RGS17: variants seen among roughly 807,000 people sequenced by gnomAD.
The protein encoded by RGS17 is regulator of G-protein signaling 17.
A neutral mutation model predicts 25.5 loss-of-function variants in RGS17; 12 were observed. That is an observed-to-expected ratio of 0.47 (90% CI 0.30 to 0.76). The LOEUF (loss-of-function observed/expected upper bound fraction) is 0.76. Ranked by LOEUF, RGS17 falls within the 30% of genes least tolerant of loss-of-function variation. The pLI, the probability that RGS17 is intolerant of heterozygous loss-of-function variation, is 0.07. For synonymous variants in RGS17, 71 were observed against 76.9 expected (o/e 0.92, Z 0.40); for missense variants, 196 against 242.2 (o/e 0.81, Z 1.27).
intron 4 of RGS17, among the ~76,000 whole-genome samples, chr6:153,014,345 T>G (rs1779161597): frequency 6.6e-6 from 1 of 152,180 alleles, no homozygotes; most frequent in Admixed American, 6.5e-5. Flanking sequence ...AAAGATTCCT[T>G]TTAAAGTTCT....
At chr6:153,098,019 G>A (rs66756034) in intron 1 of RGS17, among the ~76,000 whole-genome samples, 12,480 of 152,084 alleles carry the variant, frequency 0.082, 790 homozygotes, top group East Asian at 0.33. Flanking sequence ...TGGTAGAAAC[G>A]GGTGAAAAAC....
chr6:153,128,971 T>A (rs1310358851), intron 1 of RGS17, among the ~76,000 whole-genome samples: 8 of 152,204 alleles, frequency 5.3e-5, no homozygotes, highest in African/African-American at 1.9e-4. Flanking sequence ...TCAATCAGCA[T>A]AACAGACACC....
At chr6:153,022,341 T>G (rs1311468803) in intron 4 of RGS17, among the ~76,000 whole-genome samples, 1 of 152,112 alleles carries the variant, frequency 6.6e-6, no homozygotes, top group African/African-American at 2.4e-5. Context: ...TCTACAAAGC[T>G]CCATCAATCA....
intron 1 of RGS17, among the ~76,000 whole-genome samples, chr6:153,072,946 A>G (rs1776827257): frequency 2.0e-5 from 1 of 51,004 alleles, no homozygotes; most frequent in South Asian, 1.2e-3. Flanking sequence ...GTTAAAAAAT[A>G]TATGTCTTAT....
intron 1 of RGS17, among the ~76,000 whole-genome samples, chr6:153,098,946 G>C (rs1480379324): frequency 6.6e-6 from 1 of 152,004 alleles, no homozygotes; most frequent in Non-Finnish European, 1.5e-5. Context: ...GCAGATTTTT[G>C]GGGTCAATGT....
intron 1 of RGS17, among the ~76,000 whole-genome samples, chr6:153,051,309 G>A (rs11155890): frequency 0.18 from 27,764 of 152,140 alleles, 2,942 homozygotes; most frequent in Non-Finnish European, 0.24. Context: ...GACTTTTAAA[G>A]GTGATTTGGT....
chr6:153,059,576 A>C (rs1403485855), intron 1 of RGS17, among the ~76,000 whole-genome samples: 1 of 152,164 alleles, frequency 6.6e-6, no homozygotes. Context: ...CAAAATAGGA[A>C]AATATTTACT....
intron 4 of RGS17, among the ~76,000 whole-genome samples, chr6:153,019,166 G>A (rs1185745273): frequency 6.6e-6 from 1 of 152,172 alleles, no homozygotes; most frequent in African/African-American, 2.4e-5. Context: ...ACACTAGGAC[G>A]TGGAGGTTCC....
intron 1 of RGS17, among the ~76,000 whole-genome samples, chr6:153,102,058 T>C (rs1170414166): frequency 6.6e-6 from 1 of 152,234 alleles, no homozygotes; most frequent in East Asian, 1.9e-4. Flanking sequence ...CTGCCATCAA[T>C]GCAACGATCT....
Position 153,075,496 on chromosome 6 carries a change from GA to G in RGS17, c.-25-31454del, listed in dbSNP as rs566297848. 2.2e-3 allele frequency among the ~76,000 whole-genome samples: 330 copies of G among 152,246 alleles called. 2 individuals carry two copies. Among genetic ancestry groups the G allele is most frequent in the Middle Eastern group, 3.4e-3 (1 of 294 alleles). On this transcript the variant is annotated intron_variant, in intron 1 of 4. Transcript: ENST00000206262. ...TTGCACCTGAGATGTGTCACCTAGA[GA>G]AAAGAGCTCTTGAACTGCCTAGTGG...
At chr6:153,027,631 ATTAATATTATTATCCCCAT>A (rs1471002451) in intron 2 of RGS17, among the ~76,000 whole-genome samples, 1 of 152,192 alleles carries the variant, frequency 6.6e-6, no homozygotes, top group East Asian at 1.9e-4. Context: ...TTCTTTTACC[ATTAATATTATTATCCCCAT>A]TTTACAGATG....
At chr6:153,059,092 C>T (rs1180674628) in intron 1 of RGS17, among the ~76,000 whole-genome samples, 1 of 152,040 alleles carries the variant, frequency 6.6e-6, no homozygotes, top group Non-Finnish European at 1.5e-5. Context: ...ATACAGTCTT[C>T]ACTGAAATGT....
chr6:153,077,960 G>A (rs553238979), intron 1 of RGS17, among the ~76,000 whole-genome samples: 71 of 151,690 alleles, frequency 4.7e-4, no homozygotes, highest in Non-Finnish European at 8.7e-4. Context: ...CGCAACCTCT[G>A]CCTCCCAGGT....
rs1364750487 is a variant in RGS17, at chr6:153,011,717, A to C, written c.490T>G (p.Leu164Val). The change falls in exon 5 of 5, where the codon TTG becomes GTG. Residue 164 changes from leucine to valine, a missense_variant. Coordinates refer to ENST00000206262, the MANE Select transcript of RGS17 (RefSeq NM_012419.5). ...TCATACATGTGAGGATTGGGATCCA[A>C]CAGATTTCTATTGATCACCTCTCTA... ...RVREVINRNL[L>V]DPNPHMYEDA... The C allele has an allele frequency of 1.2e-6, 2 of 1,613,248 alleles. No individual in the cohort carries two copies. Among genetic ancestry groups the C allele is most frequent in the Non-Finnish European group, 1.7e-6 (2 of 1,179,554 alleles).
At chr6:153,066,742 A>AAAACAT (rs1776713039) in intron 1 of RGS17, among the ~76,000 whole-genome samples, 1 of 152,140 alleles carries the variant, frequency 6.6e-6, no homozygotes, top group African/African-American at 2.4e-5. Context: ...TGAAGGACAA[A>AAAACAT]AAACATATGA....
intron 1 of RGS17, among the ~76,000 whole-genome samples, chr6:153,102,117 A>G (rs487972): frequency 0.98 from 148,801 of 152,308 alleles, 72,701 homozygotes; most frequent in East Asian, 1. Flanking sequence ...TCTATTAAGG[A>G]AAATGATAAG....
At chr6:153,045,820 G>C (rs2144356) in intron 1 of RGS17, among the ~76,000 whole-genome samples, 6,455 of 152,148 alleles carry the variant, frequency 0.042, 233 homozygotes, top group Admixed American at 0.13. Flanking sequence ...TTAAATGGGA[G>C]AACAATAAAT....
At chr6:153,049,007 G>C (rs115740444) in intron 1 of RGS17, among the ~76,000 whole-genome samples, 1 of 151,846 alleles carries the variant, frequency 6.6e-6, no homozygotes, top group Non-Finnish European at 1.5e-5. Context: ...TCCTATTAAC[G>C]ATAAGAAGAA....
intron 2 of RGS17, among the ~76,000 whole-genome samples, chr6:153,031,259 A>G (rs1189889414): frequency 1.3e-5 from 2 of 152,210 alleles, no homozygotes; most frequent in Admixed American, 6.5e-5. Context: ...ATGGCAATGA[A>G]CTACTTCACA....
Sources: allele counts gnomAD v4.1 joint callset (sites outside exome capture counted in the v4.1 genomes callset), GRCh38; gene constraint gnomAD v4.1.1; transcripts MANE v1.5; gene names NCBI Gene and HGNC (gene_info 2026-07-23, HGNC 2026-07-21).